ASAP1: variants seen among roughly 807,000 people sequenced by gnomAD.
ASAP1 encodes the protein ArfGAP with SH3 domain, ankyrin repeat and PH domain 1, also known as arf-GAP with SH3 domain, ANK repeat and PH domain-containing protein 1.
Under a neutral mutation model 145.2 loss-of-function variants are expected in ASAP1, and 43 were observed. The observed-to-expected ratio is 0.30, with a 90% CI of 0.23 to 0.38. ASAP1 has a LOEUF of 0.38. Among genes scored for constraint, ASAP1 ranks in the 10% least tolerant of loss-of-function variants. The probability of loss-of-function intolerance (pLI) is 1.00; values close to 1 mark genes in which losing one functional copy is unlikely to be tolerated. For synonymous variants in ASAP1, 546 were observed against 515.5 expected, an observed-to-expected ratio of 1.06 and a Z score of -0.80; for missense variants, 1,018 against 1,355.3, an observed-to-expected ratio of 0.75 and a Z score of 3.91.
chr8:130,055,973 C>G (rs866376624), intron 29 of ASAP1, among the ~76,000 whole-genome samples: 2 of 152,162 alleles, frequency 1.3e-5, no homozygotes, highest in Non-Finnish European at 2.9e-5. Flanking sequence ...TGGCGAGGCA[C>G]GTAATGGTGG....
At chr8:130,372,869 C>A (rs1827275043) in intron 2 of ASAP1, among the ~76,000 whole-genome samples, 2 of 152,132 alleles carry the variant, frequency 1.3e-5, no homozygotes, top group Admixed American at 1.3e-4. Flanking sequence ...TCTGAGAGAG[C>A]ACACTCATGC....
At chr8:130,234,074 C>A (rs1818066402) in intron 4 of ASAP1, among the ~76,000 whole-genome samples, 1 of 151,994 alleles carries the variant, frequency 6.6e-6, no homozygotes, top group Non-Finnish European at 1.5e-5. Flanking sequence ...TTCAGGTGAT[C>A]CTAATCAACA....
Position 130,266,827 on chromosome 8 carries a change from G to A in ASAP1, c.187-29833C>T, listed in dbSNP as rs1287547656. 2.6e-5 allele frequency among the ~76,000 whole-genome samples: 4 copies of A among 151,978 alleles called. No homozygotes were observed. In the East Asian group the frequency reaches 5.8e-4, roughly 22 times the overall value. On this transcript the variant is annotated intron_variant, in intron 3 of 29. Transcript: ENST00000518721. ...ACAGATATAAATACACATTAAGCAG[G>A]TCTAAAATATAAAAAATATGTATCA...
chr8:130,300,381 C>T (rs1372486055), intron 3 of ASAP1, among the ~76,000 whole-genome samples: 1 of 152,148 alleles, frequency 6.6e-6, no homozygotes, highest in Non-Finnish European at 1.5e-5. Context: ...AATATTTTTA[C>T]ACTACTGCTG....
At chr8:130,428,892 T>G (rs1233823176) in intron 1 of ASAP1, among the ~76,000 whole-genome samples, 1 of 152,152 alleles carries the variant, frequency 6.6e-6, no homozygotes. Context: ...GAACAGAAAT[T>G]TATTCTCTCA....
intron 3 of ASAP1, among the ~76,000 whole-genome samples, chr8:130,349,566 C>T (rs994068222): frequency 6.6e-6 from 1 of 152,190 alleles, no homozygotes; most frequent in Non-Finnish European, 1.5e-5. Flanking sequence ...GCCCAACACA[C>T]GCTAGAAGTA....
chr8:130,298,351 AG>A (rs1044361192), intron 3 of ASAP1, among the ~76,000 whole-genome samples: 2 of 152,222 alleles, frequency 1.3e-5, no homozygotes, highest in Non-Finnish European at 2.9e-5. Context: ...CTCATTTTCA[AG>A]GGTTGAAAAT....
chr8:130,133,808 C>T (rs1011260579), intron 15 of ASAP1, among the ~76,000 whole-genome samples: 2 of 152,234 alleles, frequency 1.3e-5, no homozygotes, highest in African/African-American at 2.4e-5. Flanking sequence ...TGGCAGTTTC[C>T]TTCCTTCAGG....
At chr8:130,402,346 C>T (rs75175056) in intron 1 of ASAP1, among the ~76,000 whole-genome samples, 2 of 152,010 alleles carry the variant, frequency 1.3e-5, no homozygotes, top group African/African-American at 2.4e-5. Flanking sequence ...TGGGTGCCCA[C>T]GAGAAAGCAA....
At chr8:130,376,031 T>G (rs1473469446) in intron 2 of ASAP1, among the ~76,000 whole-genome samples, 1 of 152,108 alleles carries the variant, frequency 6.6e-6, no homozygotes, top group Non-Finnish European at 1.5e-5. Context: ...ATACACAAAT[T>G]AACAACAACA....
chr8:130,117,087 C>A lies in ASAP1; in HGVS notation c.1881-92G>T, dbSNP rs1033914209. On this transcript the variant is annotated intron_variant, in intron 20 of 29. Transcript: ENST00000518721. ...CTTATTTTTGTGCTGACAACTGAGT[C>A]AAATTTGAGACCTAATTATTATAAT... 5.4e-6 allele frequency: 4 copies of A among 745,056 alleles called. No individual in the cohort carries two copies. In the South Asian group the frequency reaches 7.8e-5, roughly 14 times the overall value. 46.2% of individuals were successfully genotyped at this position (745,056 alleles called of 1,614,324 possible). A position where few individuals can be genotyped will look rare whatever the true frequency, so the allele number is the denominator to read the frequency against.
intron 9 of ASAP1, among the ~76,000 whole-genome samples, chr8:130,171,958 G>A (rs1014128322): frequency 6.6e-5 from 10 of 152,196 alleles, no homozygotes; most frequent in African/African-American, 2.4e-4. Flanking sequence ...AGTTTTGAAG[G>A]TAGAGCATTT....
chr8:130,281,143 T>C (rs1286731955), intron 3 of ASAP1, among the ~76,000 whole-genome samples: 1 of 152,110 alleles, frequency 6.6e-6, no homozygotes. Flanking sequence ...CTGAACAAGG[T>C]TATTTCATCT....
intron 1 of ASAP1, among the ~76,000 whole-genome samples, chr8:130,407,212 G>A (rs987147087): frequency 3.9e-5 from 6 of 152,172 alleles, no homozygotes; most frequent in Admixed American, 6.5e-5. Flanking sequence ...ATTGAGGAAC[G>A]TGTCCAAGGT....
chr8:130,206,383 T>G (rs1816221777), intron 5 of ASAP1, among the ~76,000 whole-genome samples: 1 of 152,022 alleles, frequency 6.6e-6, no homozygotes, highest in African/African-American at 2.4e-5. Flanking sequence ...AATAATCTGC[T>G]GGCTACAAAT....
At chr8:130,430,219 T>A (rs1395926243) in intron 1 of ASAP1, among the ~76,000 whole-genome samples, 2 of 152,214 alleles carry the variant, frequency 1.3e-5, no homozygotes, top group Non-Finnish European at 1.5e-5. Flanking sequence ...CAAACATGAA[T>A]TAAGCATCTG....
intron 1 of ASAP1, among the ~76,000 whole-genome samples, chr8:130,440,849 T>C (rs1830465339): frequency 6.6e-6 from 1 of 152,222 alleles, no homozygotes; most frequent in Non-Finnish European, 1.5e-5. Context: ...CTTCCAAAAC[T>C]AGGACCAACT....
intron 12 of ASAP1, among the ~76,000 whole-genome samples, chr8:130,153,069 T>C (rs1480982101): frequency 6.6e-6 from 1 of 151,472 alleles, no homozygotes; most frequent in African/African-American, 2.4e-5. Flanking sequence ...CAAGATAGAG[T>C]GGTGCAGTGG....
chr8:130,205,403 A>C (rs1421922860), intron 5 of ASAP1, among the ~76,000 whole-genome samples: 1 of 151,552 alleles, frequency 6.6e-6, no homozygotes, highest in African/African-American at 2.4e-5. Context: ...AAAAAAAACA[A>C]AAACCATATT....
Sources: gnomAD v4.1 joint callset for allele counts (sites outside exome capture counted in the v4.1 genomes callset) on GRCh38, gnomAD v4.1.1 for gene constraint, MANE v1.5 for transcripts, NCBI Gene and HGNC (gene_info 2026-07-23, HGNC 2026-07-21) for gene names.